SLC2A1: variants seen among roughly 807,000 people sequenced by gnomAD.
The protein encoded by SLC2A1 is solute carrier family 2 member 1.
In SLC2A1, 4 loss-of-function variants were observed where a neutral mutation model predicts 46.6. The ratio of observed to expected loss-of-function variants is 0.09; its 90% CI spans 0.04 to 0.20. SLC2A1 has a LOEUF of 0.20. Among genes scored for constraint, SLC2A1 ranks in the 10% least tolerant of loss-of-function variants. The probability of loss-of-function intolerance (pLI) is 1.00; values close to 1 mark genes in which losing one functional copy is unlikely to be tolerated. For missense variants in SLC2A1, 352 were observed against 667.0 expected, an observed-to-expected ratio of 0.53 and a Z score of 5.20; for synonymous variants, 253 against 270.0, an observed-to-expected ratio of 0.94 and a Z score of 0.62.
At chr1:42,957,431 T>A (rs1570610123) in intron 1 of SLC2A1, among the ~76,000 whole-genome samples, 1 of 152,008 alleles carries the variant, frequency 6.6e-6, no homozygotes, top group Non-Finnish European at 1.5e-5. Context: ...GCGGGACACC[T>A]CCACAGCCAG....
intron 1 of SLC2A1, among the ~76,000 whole-genome samples, chr1:42,950,391 C>G (rs189855013): frequency 3.9e-5 from 6 of 152,346 alleles, no homozygotes; most frequent in African/African-American, 1.4e-4. Context: ...GCCCAGCATT[C>G]TCAAAGCCTT....
rs142613480 is a variant in SLC2A1 at position 42,929,514 on chromosome 1, A to G, written c.867+79T>C. On this transcript the variant is annotated intron_variant, in intron 6 of 9. Transcript: ENST00000426263. The surrounding 1 kb of genome is among the most constrained non-coding windows in gnomAD (Gnocchi z 6.0). ...TCGGCAGAGGCGTATCTGTTGTTTC[A>G]AGTTTGGGACTTGTTCACCATGCAC... The G allele has an allele frequency of 7.0e-4, 1,000 of 1,423,876 alleles. 15 individuals carry two copies. The African/African-American group carries it at 0.013, about 18-fold the overall frequency. 88.2% of individuals were successfully genotyped at this position (1,423,876 alleles called of 1,614,324 possible).
rs1411827478 is a variant in SLC2A1, at chr1:42,929,654, C to T, written c.806G>A (p.Arg269His). 8 of 1,613,686 alleles carry T rather than the reference C, an allele frequency of 5.0e-6. No homozygotes were observed. The highest frequency in any genetic ancestry group is 6.8e-6 in the Non-Finnish European group (8 of 1,180,000). Residue 269 changes from arginine to histidine, a missense_variant, in exon 6 of 10, where the codon CGC becomes CAC. Arg to His is a conservative substitution (Grantham distance 29). Around this residue, in one of 5 missense-constraint regions of SLC2A1, gnomAD observed 167 missense variants for 280.8 expected, o/e 0.59. Transcript: ENST00000426263. This position sits in a 1 kb window ranked among gnomAD's most constrained non-coding sequence, Gnocchi z 6.0. Reference sequence around the variant, plus strand: ...CACCACAGCGATGAGGATGGGCTGGCGGTAGGCGGGGGAGCGGAACAGCTC... The same window carrying T: ...CACCACAGCGATGAGGATGGGCTGGTGGTAGGCGGGGGAGCGGAACAGCTC... ...ILELFRSPAY[R>H]QPILIAVVLQ... is the part of the protein sequence containing the mutation.
intron 2 of SLC2A1, among the ~76,000 whole-genome samples, chr1:42,936,949 A>T (rs536985109): frequency 2.7e-4 from 41 of 152,262 alleles, no homozygotes; most frequent in African/African-American, 9.9e-4. Context: ...GACATCTGCC[A>T]ATGCCCAGAG....
intron 1 of SLC2A1, among the ~76,000 whole-genome samples, chr1:42,953,621 T>C (rs991006023): frequency 2.0e-5 from 3 of 152,244 alleles, no homozygotes; most frequent in Admixed American, 6.5e-5. Flanking sequence ...CACTGCACAC[T>C]TTCCTCTTTG....
At chr1:42,942,415 C>A (rs1286935158) in intron 2 of SLC2A1, among the ~76,000 whole-genome samples, 1 of 151,942 alleles carries the variant, frequency 6.6e-6, no homozygotes, top group African/African-American at 2.4e-5. Flanking sequence ...CTACCCCCTA[C>A]CCCCTTTTCC....
chr1:42,951,352 T>G (rs139246686), intron 1 of SLC2A1, among the ~76,000 whole-genome samples: 50 of 145,476 alleles, frequency 3.4e-4, no homozygotes, highest in African/African-American at 1.3e-3. Context: ...GGTAGATTGT[T>G]CAGGGGGGAA....
At chr1:42,943,194 T>C (rs770483506) in intron 2 of SLC2A1, 32 bp downstream of exon 2, 2 of 1,418,836 alleles carry the variant, frequency 1.4e-6, no homozygotes, top group Non-Finnish European at 1.0e-6. Flanking sequence ...AGCAGGCTGG[T>C]GTCCATAAGC....
intron 1 of SLC2A1, among the ~76,000 whole-genome samples, chr1:42,947,845 T>C (rs1643675424): frequency 6.6e-6 from 1 of 152,180 alleles, no homozygotes; most frequent in Non-Finnish European, 1.5e-5. Context: ...AAGCTGGCTC[T>C]GTGAGTATCT....
chr1:42,949,673 T>TAGCAGC (rs200497059), intron 1 of SLC2A1, among the ~76,000 whole-genome samples: 2 of 152,242 alleles, frequency 1.3e-5, no homozygotes, highest in East Asian at 1.9e-4. Context: ...CTGGTGCATT[T>TAGCAGC]AGCAGCAGCA....
At chr1:42,931,346 T>C in intron 2 of SLC2A1, 140 bp from the exon 3 acceptor site, 1 of 858,646 alleles carries the variant, frequency 1.2e-6, no homozygotes, top group Non-Finnish European at 1.8e-6. Flanking sequence ...TTGAGCCAAG[T>C]CCCTCTATTT....
intron 1 of SLC2A1, among the ~76,000 whole-genome samples, chr1:42,950,022 G>C (rs1643703553): frequency 1.3e-5 from 2 of 152,206 alleles, no homozygotes; most frequent in African/African-American, 4.8e-5. Context: ...CCCGGGCACA[G>C]GCTCAGAAAC....
intron 1 of SLC2A1, among the ~76,000 whole-genome samples, chr1:42,949,513 G>A (rs1330408705): frequency 6.6e-6 from 1 of 152,210 alleles, no homozygotes; most frequent in African/African-American, 2.4e-5. Context: ...ACCTTAGGGT[G>A]ACCTCAAGCA....
chr1:42,948,960 C>A (rs1017527552), intron 1 of SLC2A1, among the ~76,000 whole-genome samples: 1 of 151,242 alleles, frequency 6.6e-6, no homozygotes, highest in Admixed American at 6.6e-5. Flanking sequence ...CCCAGCTACT[C>A]GGGAGGCTGA....
At chr1:42,931,898 A>G (rs1239829050) in intron 2 of SLC2A1, among the ~76,000 whole-genome samples, 1 of 150,208 alleles carries the variant, frequency 6.7e-6, no homozygotes, top group East Asian at 2.0e-4. Context: ...TCTCCTCACC[A>G]TGTCTCAAAG....
chr1:42,943,185 G>T, intron 2 of SLC2A1, 41 bp downstream of exon 2: 3 of 1,313,874 alleles, frequency 2.3e-6, no homozygotes, highest in Non-Finnish European at 3.3e-6. Flanking sequence ...GTGCAACAGA[G>T]CAGGCTGGTG....
intron 1 of SLC2A1, among the ~76,000 whole-genome samples, chr1:42,945,327 C>G (rs1643641741): frequency 6.6e-6 from 1 of 151,962 alleles, no homozygotes; most frequent in South Asian, 2.1e-4. Flanking sequence ...CTGTGATCAC[C>G]CCATGGCACT....
rs796053244 is a variant in SLC2A1, at chr1:42,958,701, C to T, written c.-50G>A. On this transcript the variant is annotated 5_prime_UTR_variant, in exon 1 of 10. Coordinates refer to ENST00000426263, the MANE Select transcript of SLC2A1 (RefSeq NM_006516.4). ...GCTGCGCCGGGTACGCGGGTGGCGA[C>T]GGGCGTGCGAGCGGCGCTCTCCCGC... 2.6e-6 allele frequency: 4 copies of T among 1,529,254 alleles called. No homozygotes were observed. The African/African-American group carries it at 4.2e-5, about 16-fold the overall frequency. The allele number at this position is 1,529,254 out of a possible 1,614,324, so 94.7% of individuals were successfully genotyped here. A position where few individuals can be genotyped will look rare whatever the true frequency, so the allele number is the denominator to read the frequency against.
chr1:42,943,362 A>C (rs760738022), intron 1 of SLC2A1, 41 bp from the exon 2 acceptor site: 1 of 1,474,044 alleles, frequency 6.8e-7, no homozygotes, highest in Admixed American at 1.7e-5. Flanking sequence ...CGTGTCTGGG[A>C]GCAGGTTACT....
Sources: allele counts gnomAD v4.1 joint callset (sites outside exome capture counted in the v4.1 genomes callset), GRCh38; gene constraint gnomAD v4.1.1; regional missense constraint gnomAD v4.1.1; non-coding constraint Gnocchi (gnomAD v3.1); transcripts MANE v1.5; gene names NCBI Gene and HGNC (gene_info 2026-07-23, HGNC 2026-07-21).